KGD4: variants seen among roughly 807,000 people sequenced by gnomAD.
KGD4 encodes the protein alpha-ketoglutarate dehydrogenase component 4.
the KGD4 span, among the ~76,000 whole-genome samples, chr5:69,223,821 G>A: frequency 2.0e-5 from 3 of 151,740 alleles, no homozygotes; most frequent in African/African-American, 7.3e-5. Context: ...AGCACTTTGG[G>A]AGGCCGTTCG....
chr5:69,218,032 T>C, the KGD4 span: 8 of 1,167,416 alleles, frequency 6.9e-6, no homozygotes, highest in South Asian at 9.9e-5. Flanking sequence ...GATGGGACTT[T>C]GAGCCTGTTG....
At chr5:69,224,788 AT>A in the KGD4 span, among the ~76,000 whole-genome samples, 1 of 151,874 alleles carries the variant, frequency 6.6e-6, no homozygotes, top group Non-Finnish European at 1.5e-5. Context: ...AAGTCAGTAA[AT>A]TTCTGCCGGG....
At chr5:69,224,227 C>A in the KGD4 span, among the ~76,000 whole-genome samples, 1 of 151,810 alleles carries the variant, frequency 6.6e-6, no homozygotes, top group South Asian at 2.1e-4. Flanking sequence ...TCCATATCTA[C>A]TAAAAATACA....
the KGD4 span, chr5:69,218,010 GGTGT>G: frequency 7.1e-7 from 1 of 1,400,342 alleles, no homozygotes. Context: ...GGCGCCCGCG[GGTGT>G]GTGTGAGGAT....
chr5:69,220,472 T>C, the KGD4 span, among the ~76,000 whole-genome samples: 1 of 152,038 alleles, frequency 6.6e-6, no homozygotes, highest in Non-Finnish European at 1.5e-5. Flanking sequence ...CTAGGCAACA[T>C]AGCAAGACCC....
At chr5:69,228,044 T>C in the KGD4 span, among the ~76,000 whole-genome samples, 1 of 152,242 alleles carries the variant, frequency 6.6e-6, no homozygotes, top group East Asian at 1.9e-4. Flanking sequence ...TGAGTTACTC[T>C]ACAATATTTA....
At chr5:69,218,278 T>C in the KGD4 span, among the ~76,000 whole-genome samples, 1 of 151,944 alleles carries the variant, frequency 6.6e-6, no homozygotes, top group East Asian at 1.9e-4. Context: ...TAGCGGGGCG[T>C]GGAAGGAAGC....
At chr5:69,220,060 T>A in the KGD4 span, among the ~76,000 whole-genome samples, 9 of 151,772 alleles carry the variant, frequency 5.9e-5, no homozygotes, top group African/African-American at 1.7e-4. Flanking sequence ...CAAGACCCCA[T>A]CTCTATAAAA....
chr5:69,225,330 C>T, the KGD4 span, among the ~76,000 whole-genome samples: 1 of 141,844 alleles, frequency 7.1e-6, no homozygotes, highest in Non-Finnish European at 1.5e-5. Flanking sequence ...GTGGCACTAT[C>T]TCTGCTCACT....
chr5:69,226,248 AT>A, the KGD4 span: 1 of 906,298 alleles, frequency 1.1e-6, no homozygotes, highest in Non-Finnish European at 1.7e-6. Flanking sequence ...TAAAATAGTA[AT>A]TTTAACAAAC....
At chr5:69,230,126 C>A in the KGD4 span, 4 of 151,900 alleles carry the variant, frequency 2.6e-5, no homozygotes, top group Non-Finnish European at 5.9e-5. Context: ...TAAAGCCTCA[C>A]AAAGCTAAAT....
the KGD4 span, chr5:69,228,158 G>A: frequency 6.8e-7 from 1 of 1,471,492 alleles, no homozygotes. Flanking sequence ...TTTGACATCT[G>A]AACAATTTCT....
At chr5:69,217,827 G>A in the KGD4 span, 1 of 1,614,044 alleles carries the variant, frequency 6.2e-7, no homozygotes, top group South Asian at 1.1e-5. Flanking sequence ...CTTCTCGGGG[G>A]TCATGATGGG....
chr5:69,222,901 G>A, the KGD4 span, among the ~76,000 whole-genome samples: 6 of 149,000 alleles, frequency 4.0e-5, no homozygotes, highest in African/African-American at 1.5e-4. Flanking sequence ...TTAGCCTCCC[G>A]AGTAGCTGGG....
At chr5:69,227,285 T>C in the KGD4 span, among the ~76,000 whole-genome samples, 1 of 152,238 alleles carries the variant, frequency 6.6e-6, no homozygotes, top group East Asian at 1.9e-4. Flanking sequence ...CTTTAGAAGA[T>C]TCTCCCATGC....
At chr5:69,229,521 G>C in the KGD4 span, 1 of 253,990 alleles carries the variant, frequency 3.9e-6, no homozygotes, top group South Asian at 1.1e-4. Flanking sequence ...ACTATTAAAA[G>C]CACACAATGT....
At chr5:69,228,525 G>A in the KGD4 span, 21 of 774,876 alleles carry the variant, frequency 2.7e-5, no homozygotes, top group Non-Finnish European at 4.3e-5. Context: ...TGGTCAGGTA[G>A]GCCAAGACTA....
At chr5:69,225,478 G>T in the KGD4 span, among the ~76,000 whole-genome samples, 6 of 151,594 alleles carry the variant, frequency 4.0e-5, no homozygotes, top group Non-Finnish European at 5.9e-5. Flanking sequence ...TGTTGGTCAG[G>T]CTGCTCTCGA....
chr5:69,219,502 T>C, the KGD4 span, among the ~76,000 whole-genome samples: 1 of 152,088 alleles, frequency 6.6e-6, no homozygotes, highest in Non-Finnish European at 1.5e-5. Flanking sequence ...TGTCTGTCTT[T>C]TGCATAAACA....
Sources: allele counts gnomAD v4.1 joint callset (sites outside exome capture counted in the v4.1 genomes callset), GRCh38; gene constraint gnomAD v4.1.1; transcripts MANE v1.5; gene names NCBI Gene and HGNC (gene_info 2026-07-23, HGNC 2026-07-21).